The following COL15A1 variants were observed in gnomAD, a reference collection of about 807,000 sequenced individuals.
COL15A1 encodes the protein collagen type XV alpha 1 chain.
Under a neutral mutation model 165.9 loss-of-function variants are expected in COL15A1, and 111 were observed. The observed-to-expected ratio is 0.67, with a 90% CI of 0.57 to 0.78. The LOEUF is 0.78. Ranked by LOEUF, COL15A1 falls within the 30% of genes least tolerant of loss-of-function variation. COL15A1 has a pLI of 0.00. For synonymous variants in COL15A1, 659 were observed against 674.8 expected (o/e 0.98, Z 0.36); for missense variants, 1,745 against 1,789.7 (o/e 0.98, Z 0.45).
chr9:98,984,536 G>C (rs1327546041), intron 2 of COL15A1, among the ~76,000 whole-genome samples: 1 of 152,224 alleles, frequency 6.6e-6, no homozygotes, highest in Non-Finnish European at 1.5e-5. Flanking sequence ...ATGGGGATAA[G>C]AGTACCTAAC....
chr9:98,944,380 G>A (rs940105487), intron 2 of COL15A1, 130 bp downstream of exon 2: 5 of 926,482 alleles, frequency 5.4e-6, no homozygotes, highest in Middle Eastern at 3.1e-4. Flanking sequence ...CACTCAGTGC[G>A]CACTGGCGGT....
intron 2 of COL15A1, among the ~76,000 whole-genome samples, chr9:98,966,844 A>G (rs1372758423): frequency 6.6e-6 from 1 of 152,242 alleles, no homozygotes; most frequent in Non-Finnish European, 1.5e-5. Context: ...TATTAAGTGC[A>G]TATTAAGCTA....
At chr9:99,034,448 A>G in intron 16 of COL15A1, 101 bp from the exon 17 acceptor site, 1 of 1,478,340 alleles carries the variant, frequency 6.8e-7, no homozygotes, top group South Asian at 1.4e-5. Context: ...TCCTATTTTA[A>G]TATCCTATTT....
At chr9:99,038,617 G>A in intron 21 of COL15A1, 51 bp from the exon 22 acceptor site, 1 of 1,133,624 alleles carries the variant, frequency 8.8e-7, no homozygotes, top group Non-Finnish European at 1.3e-6. Context: ...CAGGAACAAG[G>A]CAGAACACAT....
chr9:99,054,536 A>G, intron 31 of COL15A1, 40 bp from the exon 32 acceptor site: 1 of 1,568,528 alleles, frequency 6.4e-7, no homozygotes, highest in Non-Finnish European at 8.6e-7. Flanking sequence ...AAAGAAGGTG[A>G]TTTTCCATTT....
chr9:99,011,406 G>GAAA (rs774837414), intron 9 of COL15A1, among the ~76,000 whole-genome samples: 11 of 46,856 alleles, frequency 2.3e-4, no homozygotes, highest in African/African-American at 5.3e-4. Flanking sequence ...CCCTCTTTCT[G>GAAA]AAAAAAAAAA....
chr9:99,070,125 C>A lies in COL15A1; in HGVS notation c.*239C>A. On this transcript the variant is annotated 3_prime_UTR_variant, in exon 42 of 42. Transcript: ENST00000375001. ...TGCTAGATTCTGCAGGAAACCCCAGCAGTGTGAACGCATCCCAACATAGGT... is the reference window on the plus strand; with the variant it reads ...TGCTAGATTCTGCAGGAAACCCCAGAAGTGTGAACGCATCCCAACATAGGT... The A allele has an allele frequency of 2.2e-6, 1 of 448,662 alleles. No individual in the cohort carries two copies. The allele number at this position is 448,662 out of a possible 1,614,324, so 27.8% of individuals were successfully genotyped here.
At chr9:99,004,859 A>G (rs375676063) in intron 8 of COL15A1, 39 bp from the exon 9 acceptor site, 1 of 1,613,330 alleles carries the variant, frequency 6.2e-7, no homozygotes. Flanking sequence ...GATCAGCATC[A>G]TGGGGCACTG....
Position 99,059,900 on chromosome 9 carries a change from C to T in COL15A1, c.3349C>T (p.Pro1117Ser). 2 of 1,613,886 alleles carry T rather than the reference C, an allele frequency of 1.2e-6. No individual in the cohort carries two copies. Among genetic ancestry groups the T allele is most frequent in the Non-Finnish European group, 1.7e-6 (2 of 1,179,932 alleles). Residue 1117 changes from proline (P) to serine (S), a missense_variant, in exon 36 of 42, where the codon CCA becomes TCA. Pro to Ser is a moderately conservative substitution (Grantham distance 74, BLOSUM62 -1). Coordinates refer to ENST00000375001, the MANE Select transcript of COL15A1 (RefSeq NM_001855.5). ...PAILGAAVALPGPPGPPGQPG... is the reference protein window; with the variant it reads ...PAILGAAVALSGPPGPPGQPG... Reference sequence around the variant, plus strand: ...CTGTTTTGTCTTAGCTGTGGCCCTTCCAGGTCCCCCTGGCCCTCCAGGACA... The same window carrying T: ...CTGTTTTGTCTTAGCTGTGGCCCTTTCAGGTCCCCCTGGCCCTCCAGGACA...
chr9:99,010,147 G>A (rs1193253375), intron 9 of COL15A1, among the ~76,000 whole-genome samples: 1 of 152,200 alleles, frequency 6.6e-6, no homozygotes, highest in Non-Finnish European at 1.5e-5. Flanking sequence ...GGATCTGTAG[G>A]TGAGGCTTTA....
At chr9:99,012,869 G>A (rs1461421174) in intron 9 of COL15A1, among the ~76,000 whole-genome samples, 1 of 151,770 alleles carries the variant, frequency 6.6e-6, no homozygotes, top group Admixed American at 6.6e-5. Flanking sequence ...GTGCCACCAT[G>A]CCCAGCTAGT....
chr9:99,022,660 C>T (rs1839047107), intron 13 of COL15A1, among the ~76,000 whole-genome samples: 2 of 152,232 alleles, frequency 1.3e-5, no homozygotes, highest in Admixed American at 1.3e-4. Flanking sequence ...ACCACTGTGA[C>T]CTTCCTAAAC....
intron 1 of COL15A1, 33 bp from the exon 2 acceptor site, chr9:98,944,129 C>G: frequency 6.2e-7 from 1 of 1,614,142 alleles, no homozygotes; most frequent in South Asian, 1.1e-5. Context: ...CTCTTGCCCG[C>G]CTCACCTTTT....
rs1427758216 is a variant in COL15A1, at chr9:98,944,246, G to A, written c.96G>A (p.Ala32=). The A allele has an allele frequency of 1.2e-6, 2 of 1,613,752 alleles. No homozygotes were observed. Among genetic ancestry groups the A allele is most frequent in the Admixed American group, 1.7e-5 (1 of 60,014 alleles). ...PLPAVTQTRG[A]TETASQGHLD... The stretch of plus-strand genomic sequence containing the variant: ...CTGCTGTCACCCAGACCCGCGGTGC[G>A]ACAGGTAAGCAACCCGGTCGGAGGG... Residue 32 remains alanine, a synonymous_variant, in exon 2 of 42, where the codon GCG becomes GCA. Transcript: ENST00000375001.
In COL15A1 at chr9:98,977,868, G is replaced by A. The variant is rs1482019533; in HGVS notation, c.101-7697G>A. ...CTCCCCTGATCACCAGGAAGTCATC[G>A]CCCAAAGGCTTTGTGTTTGGTAAAG... On this transcript the variant is annotated intron_variant, in intron 2 of 41. Transcript: ENST00000375001. Among the ~76,000 whole-genome samples, 3 of 152,350 alleles carry A rather than the reference G, an allele frequency of 2.0e-5. No individual in the cohort carries two copies. The East Asian group carries it at 5.8e-4, about 29-fold the overall frequency.
intron 2 of COL15A1, among the ~76,000 whole-genome samples, chr9:98,978,903 C>T (rs763902291): frequency 1.3e-4 from 20 of 152,024 alleles, no homozygotes; most frequent in Admixed American, 5.9e-4. Flanking sequence ...TCTTCTAGAG[C>T]TATTGTAATA....
In COL15A1 at chr9:99,044,552, G is replaced by A; in HGVS notation, c.2575-16G>A. 6.2e-7 allele frequency: 1 copy of A among 1,613,570 alleles called. No individual in the cohort carries two copies. The highest frequency in any genetic ancestry group is 8.5e-7 in the Non-Finnish European group (1 of 1,179,716). Reference sequence around the variant, plus strand: ...GGAGGAGTCCTGACTTCATTGAGATGTTCTCTGAATTGCAGGGCGAGAAGG... The same window carrying A: ...GGAGGAGTCCTGACTTCATTGAGATATTCTCTGAATTGCAGGGCGAGAAGG... On this transcript the variant is annotated splice_polypyrimidine_tract_variant and intron_variant, in intron 24 of 41. Transcript: ENST00000375001.
In COL15A1 at chr9:99,028,890, CAAAT is replaced by C. The variant is rs1170008277; in HGVS notation, c.2043+2926_2043+2929del. Among the ~76,000 whole-genome samples the C allele has an allele frequency of 4.6e-5, 7 of 152,256 alleles. No homozygotes were observed. In the East Asian group the frequency reaches 1.3e-3, roughly 29 times the overall value. On this transcript the variant is annotated intron_variant, in intron 16 of 41. Coordinates refer to ENST00000375001, the MANE Select transcript of COL15A1 (RefSeq NM_001855.5). ...AAATGATACCTCAAAAAGAATTTAT[CAAAT>C]AGATTATTCTATGCTGAGTTCGATG...
At chr9:99,069,457 A>G (rs550922427) in intron 41 of COL15A1, among the ~76,000 whole-genome samples, 1 of 152,318 alleles carries the variant, frequency 6.6e-6, no homozygotes, top group Non-Finnish European at 1.5e-5. Flanking sequence ...TAGATTCACA[A>G]AAGAAGAGGG....
Sources: allele counts gnomAD v4.1 joint callset (sites outside exome capture counted in the v4.1 genomes callset), GRCh38; gene constraint gnomAD v4.1.1; transcripts MANE v1.5; gene names NCBI Gene and HGNC (gene_info 2026-07-23, HGNC 2026-07-21).